Variants in XK observed in about 807,000 individuals in gnomAD.
XK encodes X-linked Kx blood group antigen, Kell and VPS13A binding protein.
In XK, 2 loss-of-function variants were observed where a neutral mutation model predicts 14.0. The ratio of observed to expected loss-of-function variants is 0.14; its 90% CI spans 0.06 to 0.45. The LOEUF is 0.45. Among genes scored for constraint, XK ranks in the 20% least tolerant of loss-of-function variants. XK has a pLI of 0.98. For synonymous variants in XK, 149 were observed against 147.5 expected (o/e 1.01, Z -0.08); for missense variants, 235 against 341.5 (o/e 0.69, Z 2.46).
At chrX:37,687,420 A>G (rs6610518) in intron 1 of XK, among the ~76,000 whole-genome samples, 1 of 110,067 alleles carries the variant, frequency 9.1e-6, no homozygotes, top group Non-Finnish European at 1.9e-5. Context: ...GGCAAGCGCC[A>G]TCATGCCTGG....
intron 2 of XK, among the ~76,000 whole-genome samples, chrX:37,700,271 C>T (rs1556443484): frequency 9.0e-6 from 1 of 111,547 alleles, no homozygotes; most frequent in East Asian, 2.8e-4. Context: ...AGGATGTACC[C>T]ACCATCAGGT....
At chrX:37,719,315 A>G (rs1927825804) in intron 2 of XK, among the ~76,000 whole-genome samples, 1 of 111,370 alleles carries the variant, frequency 9.0e-6, no homozygotes, top group African/African-American at 3.2e-5. Flanking sequence ...TTTTCTTCAT[A>G]TTTACCTACT....
At chrX:37,718,972 T>C (rs1927818103) in intron 2 of XK, among the ~76,000 whole-genome samples, 1 of 111,603 alleles carries the variant, frequency 9.0e-6, no homozygotes, top group Non-Finnish European at 1.9e-5. Context: ...ATCTCCATGC[T>C]TCCACATAGG....
chrX:37,725,128 T>C (rs1927951765), intron 2 of XK, among the ~76,000 whole-genome samples: 1 of 111,281 alleles, frequency 9.0e-6, no homozygotes, highest in South Asian at 3.7e-4. Context: ...AAAAGTCAAA[T>C]TGATAGAACC....
chrX:37,721,990 T>C (rs1377233601), intron 2 of XK, among the ~76,000 whole-genome samples: 2 of 111,380 alleles, frequency 1.8e-5, no homozygotes, highest in East Asian at 5.6e-4. Flanking sequence ...AAGTCCAGAA[T>C]AGGGAAAATT....
intron 2 of XK, among the ~76,000 whole-genome samples, chrX:37,715,888 G>C (rs781831775): frequency 9.0e-5 from 10 of 111,334 alleles, no homozygotes; most frequent in South Asian, 3.8e-4. Flanking sequence ...AATGGGCCAG[G>C]GGGGAGAATG....
In XK at chrX:37,716,724, T is replaced by C. The variant is rs112513735; in HGVS notation, c.509-10912T>C. Reference sequence around the variant, plus strand: ...GTTAGATACCATTTTGCTGCTACCATTTTGCTGATAGAGGGCCCCATACAT... The same window carrying C: ...GTTAGATACCATTTTGCTGCTACCACTTTGCTGATAGAGGGCCCCATACAT... On this transcript the variant is annotated intron_variant, in intron 2 of 2. Transcript: ENST00000378616. Among the ~76,000 whole-genome samples, 680 of 111,996 alleles carry C rather than the reference T, an allele frequency of 6.1e-3. 5 individuals carry two copies. The highest frequency in any genetic ancestry group is 0.021 in the African/African-American group (644 of 30,839).
intron 1 of XK, 118 bp downstream of exon 1, chrX:37,686,324 A>T: frequency 8.9e-7 from 1 of 1,127,498 alleles, no homozygotes; most frequent in Non-Finnish European, 1.2e-6. Flanking sequence ...GCTGAGCCCC[A>T]AGCCGGTCCG....
intron 2 of XK, among the ~76,000 whole-genome samples, chrX:37,703,179 C>G (rs888670154): frequency 5.3e-5 from 6 of 112,299 alleles, no homozygotes; most frequent in Non-Finnish European, 7.5e-5. Flanking sequence ...ACAGGACCTA[C>G]AGTTGGTATT....
At chrX:37,703,463 A>G (rs1326999811) in intron 2 of XK, among the ~76,000 whole-genome samples, 1 of 112,236 alleles carries the variant, frequency 8.9e-6, no homozygotes, top group Non-Finnish European at 1.9e-5. Flanking sequence ...AGTGTAGTTT[A>G]CTTGGGGACC....
At chrX:37,707,426 G>A (rs1287730141) in intron 2 of XK, among the ~76,000 whole-genome samples, 19 of 106,638 alleles carry the variant, frequency 1.8e-4, no homozygotes, top group South Asian at 1.3e-3. Flanking sequence ...GCTGCCGGGC[G>A]CAGGGGCTCC....
chrX:37,701,117 C>T (rs1556443762), intron 2 of XK, among the ~76,000 whole-genome samples: 2 of 111,755 alleles, frequency 1.8e-5, no homozygotes, highest in Admixed American at 9.5e-5. Flanking sequence ...TGGCCTAGGA[C>T]ATGCAATCCA....
At chrX:37,703,467 G>A (rs1465375825) in intron 2 of XK, among the ~76,000 whole-genome samples, 1 of 112,105 alleles carries the variant, frequency 8.9e-6, no homozygotes, top group African/African-American at 3.2e-5. Context: ...TAGTTTACTT[G>A]GGGACCCATC....
At chrX:37,714,827 G>A (rs1241703465) in intron 2 of XK, among the ~76,000 whole-genome samples, 2 of 110,938 alleles carry the variant, frequency 1.8e-5, no homozygotes, top group East Asian at 5.6e-4. Flanking sequence ...GGAATAGCCT[G>A]GAGTGAATAA....
intron 2 of XK, among the ~76,000 whole-genome samples, chrX:37,716,007 G>T (rs1299058708): frequency 3.6e-5 from 4 of 111,568 alleles, no homozygotes; most frequent in Non-Finnish European, 7.5e-5. Context: ...TTACTTAGTG[G>T]TACACAGCGG....
At chrX:37,699,728 G>A (rs1291960613) in intron 2 of XK, among the ~76,000 whole-genome samples, 1 of 112,145 alleles carries the variant, frequency 8.9e-6, no homozygotes, top group Non-Finnish European at 1.9e-5. Context: ...CAAGTACAAA[G>A]TTAGACTTTC....
intron 2 of XK, among the ~76,000 whole-genome samples, chrX:37,714,551 C>T (rs950158978): frequency 9.0e-6 from 1 of 110,981 alleles, no homozygotes; most frequent in Admixed American, 9.6e-5. Flanking sequence ...AGAATAGGAT[C>T]TTCTGTAACT....
intron 2 of XK, among the ~76,000 whole-genome samples, chrX:37,719,870 A>C (rs1316907217): frequency 9.0e-6 from 1 of 111,063 alleles, no homozygotes; most frequent in Non-Finnish European, 1.9e-5. Context: ...TTGTAAGAAA[A>C]AAACTAGAGA....
chrX:37,707,568 A>T (rs1927564064), intron 2 of XK, among the ~76,000 whole-genome samples: 1 of 101,795 alleles, frequency 9.8e-6, no homozygotes, highest in Admixed American at 1.0e-4. Context: ...CACTTCTCAG[A>T]CGGGGCGGCC....
Sources: gnomAD v4.1 joint callset for allele counts (sites outside exome capture counted in the v4.1 genomes callset) on GRCh38, gnomAD v4.1.1 for gene constraint, MANE v1.5 for transcripts, NCBI Gene and HGNC (gene_info 2026-07-23, HGNC 2026-07-21) for gene names.